UBE2E2: variants seen among roughly 807,000 people sequenced by gnomAD.
UBE2E2 encodes the protein ubiquitin-conjugating enzyme E2 E2.
In UBE2E2, 6 loss-of-function variants were observed where a neutral mutation model predicts 24.7. That is an observed-to-expected ratio of 0.24 (90% CI 0.13 to 0.48). UBE2E2 has a LOEUF of 0.48. UBE2E2 is among the 20% of genes least tolerant of loss of function. The pLI is 0.99. For synonymous variants in UBE2E2, 104 were observed against 83.6 expected, an observed-to-expected ratio of 1.24 and a Z score of -1.33; for missense variants, 169 against 245.0, an observed-to-expected ratio of 0.69 and a Z score of 2.07.
intron 3 of UBE2E2, among the ~76,000 whole-genome samples, chr3:23,224,553 T>G (rs1028675052): frequency 6.6e-6 from 1 of 152,088 alleles, no homozygotes. Context: ...ACAGCTTTTT[T>G]TTTTTGGTAG....
intron 3 of UBE2E2, among the ~76,000 whole-genome samples, chr3:23,366,666 T>C (rs531277953): frequency 1.3e-5 from 2 of 152,194 alleles, no homozygotes; most frequent in African/African-American, 4.8e-5. Flanking sequence ...TGTTGGGTAC[T>C]ATGCTTATTA....
At chr3:23,546,460 ATTTTTTTTT>A (rs899923576) in intron 5 of UBE2E2, among the ~76,000 whole-genome samples, 2 of 76,860 alleles carry the variant, frequency 2.6e-5, no homozygotes, top group Admixed American at 1.3e-4. Context: ...GAACATTTAG[ATTTTTTTTT>A]TTTTTTTTTT....
intron 5 of UBE2E2, among the ~76,000 whole-genome samples, chr3:23,569,335 C>T (rs115464605): frequency 6.0e-4 from 91 of 152,170 alleles, no homozygotes; most frequent in Middle Eastern, 3.4e-3. Flanking sequence ...GATTTGCCAG[C>T]GGGGAGTAAC....
At chr3:23,455,542 A>AC (rs1460820329) in intron 3 of UBE2E2, among the ~76,000 whole-genome samples, 1 of 151,498 alleles carries the variant, frequency 6.6e-6, no homozygotes, top group East Asian at 1.9e-4. Flanking sequence ...ACATAATGAG[A>AC]CCCCCATTTC....
chr3:23,287,900 C>T (rs907589296), intron 3 of UBE2E2, among the ~76,000 whole-genome samples: 3 of 151,064 alleles, frequency 2.0e-5, no homozygotes, highest in Admixed American at 6.6e-5. Context: ...TTGTTGCTCT[C>T]GTATTTTCTT....
chr3:23,348,895 A>T lies in UBE2E2; in HGVS notation c.227+131583A>T, dbSNP rs143765379. ...ATAGCACAGTAGTAATGAATAAAGG[A>T]TGAAGGACAAAGCCAAAGGGCAGTT... On this transcript the variant is annotated intron_variant, in intron 3 of 5. Transcript: ENST00000396703. Among the ~76,000 whole-genome samples, 99 of 152,278 alleles carry T rather than the reference A, an allele frequency of 6.5e-4. 5 individuals carry two copies. In the East Asian group the frequency reaches 0.016, roughly 24 times the overall value.
At chr3:23,503,674 C>G (rs1361089206) in intron 4 of UBE2E2, among the ~76,000 whole-genome samples, 2 of 151,696 alleles carry the variant, frequency 1.3e-5, no homozygotes, top group East Asian at 3.9e-4. Context: ...GCCAACATGG[C>G]AAAATCCCAT....
chr3:23,226,865 A>G (rs928054627), intron 3 of UBE2E2, among the ~76,000 whole-genome samples: 1 of 152,010 alleles, frequency 6.6e-6, no homozygotes, highest in Non-Finnish European at 1.5e-5. Context: ...TTAATTTGTA[A>G]TATGGAGTGG....
chr3:23,526,059 A>T (rs571819613), intron 4 of UBE2E2, among the ~76,000 whole-genome samples: 1 of 152,188 alleles, frequency 6.6e-6, no homozygotes, highest in Non-Finnish European at 1.5e-5. Flanking sequence ...TGGCTGCTTC[A>T]AGGGCTTTTA....
At chr3:23,231,024 A>G (rs1263123997) in intron 3 of UBE2E2, among the ~76,000 whole-genome samples, 1 of 152,196 alleles carries the variant, frequency 6.6e-6, no homozygotes, top group Admixed American at 6.5e-5. Context: ...GGGAGACATC[A>G]GTACATAATG....
chr3:23,582,262 T>C (rs763013324), intron 5 of UBE2E2, among the ~76,000 whole-genome samples: 1 of 152,254 alleles, frequency 6.6e-6, no homozygotes, highest in Non-Finnish European at 1.5e-5. Flanking sequence ...TAACATTCTA[T>C]TGTGTATATA....
intron 4 of UBE2E2, among the ~76,000 whole-genome samples, chr3:23,513,761 AG>A (rs1337642598): frequency 3.3e-5 from 5 of 152,250 alleles, no homozygotes. Flanking sequence ...TATAAATAAA[AG>A]AATATTTATA....
chr3:23,252,116 A>G (rs2125346544), intron 3 of UBE2E2, among the ~76,000 whole-genome samples: 1 of 152,360 alleles, frequency 6.6e-6, no homozygotes, highest in South Asian at 2.1e-4. Flanking sequence ...GAAAAGCATA[A>G]TAAAGCTATA....
At chr3:23,461,891 C>T (rs577434089) in intron 3 of UBE2E2, among the ~76,000 whole-genome samples, 2 of 152,152 alleles carry the variant, frequency 1.3e-5, no homozygotes, top group African/African-American at 4.8e-5. Flanking sequence ...AGTAATATGA[C>T]TATATGATGT....
intron 3 of UBE2E2, among the ~76,000 whole-genome samples, chr3:23,412,959 C>T (rs1203185435): frequency 6.7e-6 from 1 of 149,092 alleles, no homozygotes; most frequent in African/African-American, 2.5e-5. Context: ...AAACTGACAA[C>T]CTAAAGAAGT....
chr3:23,342,555 A>G (rs978048751), intron 3 of UBE2E2, among the ~76,000 whole-genome samples: 8 of 152,252 alleles, frequency 5.3e-5, no homozygotes, highest in African/African-American at 1.2e-4. Flanking sequence ...TTTTCACACT[A>G]CATAAACTAT....
chr3:23,522,217 G>A (rs368992275), intron 4 of UBE2E2, among the ~76,000 whole-genome samples: 2 of 143,840 alleles, frequency 1.4e-5, no homozygotes, highest in African/African-American at 5.2e-5. Flanking sequence ...TGCAAGCTCC[G>A]CCTCCCGGGT....
intron 3 of UBE2E2, among the ~76,000 whole-genome samples, chr3:23,232,570 C>G (rs1205492735): frequency 1.3e-5 from 2 of 152,060 alleles, no homozygotes; most frequent in African/African-American, 2.4e-5. Context: ...CTTGCATCCT[C>G]AAAAATTGAA....
At chr3:23,546,451 A>G (rs1695522677) in intron 5 of UBE2E2, among the ~76,000 whole-genome samples, 1 of 150,574 alleles carries the variant, frequency 6.6e-6, no homozygotes. Flanking sequence ...TGAAGTCAAG[A>G]ACATTTAGAT....
Sources: allele counts gnomAD v4.1 joint callset (sites outside exome capture counted in the v4.1 genomes callset), GRCh38; gene constraint gnomAD v4.1.1; transcripts MANE v1.5; gene names NCBI Gene and HGNC (gene_info 2026-07-23, HGNC 2026-07-21).